ADAMTSL1: variants seen among roughly 807,000 people sequenced by gnomAD.
The protein encoded by ADAMTSL1 is ADAMTS-like protein 1.
ADAMTSL1 carries 126 observed loss-of-function variants against 201.8 expected under a neutral mutation model. That is an observed-to-expected ratio of 0.62 (90% CI 0.54 to 0.72). The LOEUF is 0.72. Ranked by LOEUF, ADAMTSL1 falls within the 30% of genes least tolerant of loss-of-function variation. The pLI, the probability that ADAMTSL1 is intolerant of heterozygous loss-of-function variation, is 0.00. For missense variants in ADAMTSL1, 2,679 were observed against 2,277.8 expected (o/e 1.18, Z -3.59); for synonymous variants, 1,121 against 903.4 (o/e 1.24, Z -4.32).
chr9:18,588,916 C>CATATATATATATATAT (rs1823729876), intron 4 of ADAMTSL1, among the ~76,000 whole-genome samples: 1 of 58,046 alleles, frequency 1.7e-5, no homozygotes, highest in Non-Finnish European at 3.9e-5. Context: ...TATATATACA[C>CATATATATATATATAT]ATTTTTTTTT....
chr9:18,841,707 A>C (rs1825727936), intron 23 of ADAMTSL1, among the ~76,000 whole-genome samples: 1 of 152,126 alleles, frequency 6.6e-6, no homozygotes, highest in African/African-American at 2.4e-5. Context: ...TATTGTCACA[A>C]TTTCAGTTCC....
intron 23 of ADAMTSL1, among the ~76,000 whole-genome samples, chr9:18,842,287 C>T (rs890366383): frequency 9.2e-5 from 14 of 152,138 alleles, no homozygotes; most frequent in Admixed American, 6.5e-4. Flanking sequence ...GCCTTCATTT[C>T]GTTATGTACC....
intron 2 of ADAMTSL1, among the ~76,000 whole-genome samples, chr9:18,258,757 T>G (rs1268658870): frequency 1.3e-5 from 2 of 152,234 alleles, no homozygotes; most frequent in East Asian, 1.9e-4. Flanking sequence ...AAATTCTGCC[T>G]GGTCCCTCAC....
intron 1 of ADAMTSL1, among the ~76,000 whole-genome samples, chr9:18,031,134 G>T (rs1189656399): frequency 6.6e-6 from 1 of 152,098 alleles, no homozygotes; most frequent in Non-Finnish European, 1.5e-5. Context: ...TTGCCGTCCA[G>T]ATTTTGAATT....
At chr9:18,102,683 C>T (rs748308481) in intron 1 of ADAMTSL1, among the ~76,000 whole-genome samples, 3 of 152,102 alleles carry the variant, frequency 2.0e-5, no homozygotes, top group African/African-American at 4.8e-5. Flanking sequence ...GAAATCATGG[C>T]GTGTGTCCAG....
intron 15 of ADAMTSL1, among the ~76,000 whole-genome samples, chr9:18,732,782 G>A (rs1028610406): frequency 1.1e-4 from 16 of 152,176 alleles, no homozygotes; most frequent in African/African-American, 3.6e-4. Context: ...AAGGCACAGG[G>A]CATCTTGTCC....
intron 23 of ADAMTSL1, among the ~76,000 whole-genome samples, chr9:18,841,645 C>A (rs1009553274): frequency 1.3e-5 from 2 of 152,140 alleles, no homozygotes; most frequent in Non-Finnish European, 2.9e-5. Context: ...TGGTAGAATT[C>A]GGCTGTGAAT....
At chr9:18,130,074 A>G (rs1293143889) in intron 1 of ADAMTSL1, among the ~76,000 whole-genome samples, 1 of 152,166 alleles carries the variant, frequency 6.6e-6, no homozygotes, top group Non-Finnish European at 1.5e-5. Flanking sequence ...CCTGTCTCAG[A>G]GAGAAAAGAA....
intron 23 of ADAMTSL1, among the ~76,000 whole-genome samples, chr9:18,885,322 G>A (rs1828783335): frequency 6.6e-6 from 1 of 152,176 alleles, no homozygotes; most frequent in African/African-American, 2.4e-5. Context: ...CTCATGGCCT[G>A]ATCACCTCTT....
rs145737329 is a variant in ADAMTSL1 at position 18,726,069 on chromosome 9, A to G, written c.2006+4404A>G. Among the ~76,000 whole-genome samples, 460 of 152,360 alleles carry G rather than the reference A, an allele frequency of 3.0e-3. 2 individuals are homozygous for G. Among genetic ancestry groups the G allele is most frequent in the African/African-American group, 0.01 (436 of 41,584 alleles). ...TTTCTCATCTCTGAAATAGGATCAT[A>G]GTAGGCACTCAAAAAAATTCATTAT... is the stretch of plus-strand genomic sequence containing the variant. On this transcript the variant is annotated intron_variant, in intron 15 of 28. Coordinates refer to ENST00000380548, the MANE Select transcript of ADAMTSL1 (RefSeq NM_001040272.6).
intron 1 of ADAMTSL1, among the ~76,000 whole-genome samples, chr9:17,989,809 A>C (rs944752957): frequency 4.0e-5 from 6 of 151,848 alleles, no homozygotes; most frequent in Non-Finnish European, 7.4e-5. Context: ...AGCCTTTTCA[A>C]ACTTAAAAAT....
intron 1 of ADAMTSL1, among the ~76,000 whole-genome samples, chr9:18,094,725 T>A (rs1237331149): frequency 6.6e-6 from 1 of 151,876 alleles, no homozygotes; most frequent in Non-Finnish European, 1.5e-5. Context: ...CATGCCCAGC[T>A]AATTTTTTTT....
intron 8 of ADAMTSL1, among the ~76,000 whole-genome samples, chr9:18,660,294 G>T (rs1388710363): frequency 6.6e-6 from 1 of 152,150 alleles, no homozygotes; most frequent in African/African-American, 2.4e-5. Flanking sequence ...CTGAAGAAAT[G>T]ATCTCTAAGT....
At position 18,563,337 on chromosome 9, in the gene ADAMTSL1, G is replaced by A. The variant is rs183552190; in HGVS notation, c.238-10693G>A. 2.0e-4 allele frequency among the ~76,000 whole-genome samples: 30 copies of A among 152,276 alleles called. 1 individual carries two copies. The highest frequency in any genetic ancestry group is 1.4e-3 in the Admixed American group (21 of 15,298). ...CCCTGTTTACCTGGGTATCGGCAGC[G>A]GAGGCTACAGAACAGCAAAGATTGC... On this transcript the variant is annotated intron_variant, in intron 3 of 28. Transcript: ENST00000380548.
chr9:18,191,437 A>G (rs1828965315), intron 2 of ADAMTSL1, among the ~76,000 whole-genome samples: 1 of 152,252 alleles, frequency 6.6e-6, no homozygotes, highest in East Asian at 1.9e-4. Flanking sequence ...GACCAACCAC[A>G]CTAAGCCACT....
At chr9:17,988,085 T>G (rs1402260096) in intron 1 of ADAMTSL1, among the ~76,000 whole-genome samples, 1 of 152,140 alleles carries the variant, frequency 6.6e-6, no homozygotes, top group Non-Finnish European at 1.5e-5. Context: ...GGTTCCACTA[T>G]TCTGACATTT....
chr9:18,336,298 G>A (rs1005973449), intron 2 of ADAMTSL1, among the ~76,000 whole-genome samples: 7 of 151,072 alleles, frequency 4.6e-5, no homozygotes, highest in Admixed American at 2.6e-4. Context: ...TTAGGGGGAC[G>A]ATGTAATTTC....
chr9:18,871,794 T>C (rs905515663), intron 23 of ADAMTSL1, among the ~76,000 whole-genome samples: 4 of 152,168 alleles, frequency 2.6e-5, no homozygotes, highest in Admixed American at 2.6e-4. Context: ...TATGTCTCTC[T>C]TTTTTGCCAA....
chr9:18,507,107 A>G (rs970165446), intron 2 of ADAMTSL1, among the ~76,000 whole-genome samples: 1 of 152,214 alleles, frequency 6.6e-6, no homozygotes, highest in Admixed American at 6.5e-5. Flanking sequence ...TATATGCCCT[A>G]TCATATATTT....
Sources: allele counts gnomAD v4.1 joint callset (sites outside exome capture counted in the v4.1 genomes callset), GRCh38; gene constraint gnomAD v4.1.1; transcripts MANE v1.5; gene names NCBI Gene and HGNC (gene_info 2026-07-23, HGNC 2026-07-21).